Variants in EIF4G1 observed in about 807,000 individuals in gnomAD.
EIF4G1 encodes EIF4-gamma.
Under a neutral mutation model 187.8 loss-of-function variants are expected in EIF4G1, and 4 were observed. The ratio of observed to expected loss-of-function variants is 0.02; its 90% confidence interval spans 0.01 to 0.05. The LOEUF is 0.05. Ranked by LOEUF, EIF4G1 falls within the 10% of genes least tolerant of loss-of-function variation. The probability of loss-of-function intolerance (pLI) is 1.00; values close to 1 mark genes in which losing one functional copy is unlikely to be tolerated. For synonymous variants in EIF4G1, 844 were observed against 781.4 expected (o/e 1.08, Z -1.34); for missense variants, 1,647 against 2,081.1 (o/e 0.79, Z 4.06).
chr3:184,319,420 A>C (rs1007448580), intron 6 of EIF4G1, among the ~76,000 whole-genome samples: 4 of 142,700 alleles, frequency 2.8e-5, no homozygotes, highest in Non-Finnish European at 4.6e-5. Context: ...GTGCCTGCCT[A>C]CGAGGGGTGT....
chr3:184,326,674 C>G (rs201086570), intron 22 of EIF4G1, 45 bp downstream of exon 22: 1 of 1,598,890 alleles, frequency 6.3e-7, no homozygotes, highest in South Asian at 1.1e-5. Flanking sequence ...CGTCAGAGCT[C>G]CCTTGAGGAC....
intron 9 of EIF4G1, 21 bp from the exon 10 acceptor site, chr3:184,321,261 T>G (rs1390613053): frequency 6.2e-7 from 1 of 1,614,054 alleles, no homozygotes; most frequent in Non-Finnish European, 8.5e-7. Flanking sequence ...TAGTTGCTCA[T>G]TCTTCCTTCC....
At chr3:184,326,505 C>T (rs767196780) in intron 21 of EIF4G1, 22 bp from the exon 22 acceptor site, 3 of 1,613,618 alleles carry the variant, frequency 1.9e-6, no homozygotes, top group Non-Finnish European at 2.5e-6. Flanking sequence ...ACCTATGATT[C>T]TACTCCCCTT....
rs200224718 is a variant in EIF4G1, at chr3:184,319,679, C to T, written c.425-10C>T. On this transcript the variant is annotated splice_polypyrimidine_tract_variant and intron_variant, in intron 6 of 32. Coordinates refer to ENST00000346169, the MANE Select transcript of EIF4G1 (RefSeq NM_198241.3). Reference sequence around the variant, plus strand: ...CTACCACCATTCTTCTCCGTCCCCCCTCCCCCAAGCTGGCGCCTACTATCC... The same window carrying T: ...CTACCACCATTCTTCTCCGTCCCCCTTCCCCCAAGCTGGCGCCTACTATCC... 6.5e-7 allele frequency: 1 copy of T among 1,545,546 alleles called. No homozygotes were observed. The highest frequency in any genetic ancestry group is 1.4e-5 in the African/African-American group (1 of 73,882).
At chr3:184,318,522 C>G (rs1051196237) in intron 6 of EIF4G1, among the ~76,000 whole-genome samples, 1 of 152,168 alleles carries the variant, frequency 6.6e-6, no homozygotes, top group Non-Finnish European at 1.5e-5. Context: ...GAGGCCAAGA[C>G]AGGCGGATCA....
Position 184,323,731 on chromosome 3 carries a change from C to T in EIF4G1, c.2275-49C>T. 1 of 1,612,046 alleles carries T rather than the reference C, an allele frequency of 6.2e-7. No homozygotes were observed. The highest frequency in any genetic ancestry group is 2.2e-5 in the East Asian group (1 of 44,870). On this transcript the variant is annotated intron_variant, in intron 15 of 32. Transcript: ENST00000346169. This position sits in a 1 kb window ranked among gnomAD's most constrained non-coding sequence, Gnocchi z 6.9. ...CACCACCCTCTCCTGTCCCTCCCAA[C>T]AGCCTGTTCTGAGACCCTCACTGGA...
intron 22 of EIF4G1, 23 bp downstream of exon 22, chr3:184,326,652 T>C (rs1724971200): frequency 4.4e-6 from 7 of 1,606,108 alleles, no homozygotes; most frequent in Non-Finnish European, 5.9e-6. Context: ...TGTCAGGAGC[T>C]GGGTGGTTAC....
At chr3:184,328,514 C>T in intron 26 of EIF4G1, 117 bp from the exon 27 acceptor site, 1 of 1,424,440 alleles carries the variant, frequency 7.0e-7, no homozygotes. Flanking sequence ...TAATTGTCCC[C>T]ATGTCTAGAA....
intron 4 of EIF4G1, among the ~76,000 whole-genome samples, chr3:184,316,544 T>C (rs1045282204): frequency 6.6e-6 from 1 of 151,926 alleles, no homozygotes; most frequent in African/African-American, 2.4e-5. Context: ...CTGCTTTCTC[T>C]TTGGACTGTG....
In EIF4G1 at chr3:184,321,745, C is replaced by G; in HGVS notation, c.1161C>G (p.Pro387=). The G allele has an allele frequency of 6.2e-7, 1 of 1,600,790 alleles. No homozygotes were observed. The highest frequency in any genetic ancestry group is 8.5e-7 in the Non-Finnish European group (1 of 1,170,988). ...AGCTTGCTCCTCCCCCAGCTTGCCC[C>G]TCCGAATCCCCTGTGCCCATTGCTC... ...SPELAPPPAC[P]SESPVPIAPT... Residue 387 remains proline (P), a synonymous_variant, in exon 10 of 33, where the codon CCC becomes CCG. Transcript: ENST00000346169.
chr3:184,329,908 CTG>C (rs1380149002), intron 28 of EIF4G1, among the ~76,000 whole-genome samples: 1 of 152,174 alleles, frequency 6.6e-6, no homozygotes, highest in Non-Finnish European at 1.5e-5. Flanking sequence ...GTTCAGCCAT[CTG>C]GAACCTGGAG....
Position 184,315,785 on chromosome 3 carries a change from G to A in EIF4G1, c.-12G>A, listed in dbSNP as rs974141011. 6.4e-7 allele frequency: 1 copy of A among 1,551,634 alleles called. No individual in the cohort carries two copies. The highest frequency in any genetic ancestry group is 1.2e-5 in the South Asian group (1 of 84,058). The stretch of plus-strand genomic sequence containing the variant: ...CAGGTGCTGGGGGGACCCTGATGTG[G>A]CACCAAATGAAATGAACAAAGCTCC... On this transcript the variant is annotated 5_prime_UTR_variant, in exon 3 of 33. An upstream open reading frame in the 5' UTR gains an earlier in-frame stop. Coordinates refer to ENST00000346169, the MANE Select transcript of EIF4G1 (RefSeq NM_198241.3).
At chr3:184,328,825 T>C (rs1577244166) in intron 27 of EIF4G1, 69 bp downstream of exon 27, 1 of 1,613,868 alleles carries the variant, frequency 6.2e-7, no homozygotes, top group Non-Finnish European at 8.5e-7. Context: ...AATGGCTGGG[T>C]TGGATACCCT....
chr3:184,321,249 T>G, intron 9 of EIF4G1, 33 bp from the exon 10 acceptor site: 1 of 1,613,778 alleles, frequency 6.2e-7, no homozygotes, highest in Non-Finnish European at 8.5e-7. Context: ...AGCACTTGCC[T>G]TTAGTTGCTC....
intron 4 of EIF4G1, 113 bp downstream of exon 4, chr3:184,316,331 G>A: frequency 7.3e-7 from 1 of 1,371,638 alleles, no homozygotes; most frequent in Non-Finnish European, 1.0e-6. Context: ...TTAATCCTCT[G>A]TGTTCTTTCA....
In EIF4G1 at chr3:184,326,069, G is replaced by C. The variant is rs1253366593; in HGVS notation, c.3222+118G>C. The C allele has an allele frequency of 2.6e-5, 29 of 1,125,444 alleles. No homozygotes were observed. The Admixed American group carries it at 5.3e-4, about 21-fold the overall frequency. The allele number at this position is 1,125,444 out of a possible 1,614,324, so 69.7% of individuals were successfully genotyped here. ...TCCTCTTAGACTAACTGGTTGGATTGCTGGAGACAGGACTGCCAGCTGTAG... is the reference window on the plus strand; with the variant it reads ...TCCTCTTAGACTAACTGGTTGGATTCCTGGAGACAGGACTGCCAGCTGTAG... On this transcript the variant is annotated intron_variant, in intron 21 of 32. Coordinates refer to ENST00000346169, the MANE Select transcript of EIF4G1 (RefSeq NM_198241.3).
At position 184,323,773 on chromosome 3, in the gene EIF4G1, C is replaced by T. The variant is rs1163566681; in HGVS notation, c.2275-7C>T. The stretch of plus-strand genomic sequence containing the variant: ...CTCACTGGAACTCTTGTCTCTTCTC[C>T]CTCCAGGACCTATTCCGCAGGGTGC... On this transcript the variant is annotated splice_region_variant and splice_polypyrimidine_tract_variant and intron_variant, in intron 15 of 32. Coordinates refer to ENST00000346169, the MANE Select transcript of EIF4G1 (RefSeq NM_198241.3). This position sits in a 1 kb window ranked among gnomAD's most constrained non-coding sequence, Gnocchi z 6.9. The T allele has an allele frequency of 6.2e-7, 1 of 1,613,520 alleles. No individual in the cohort carries two copies.
chr3:184,321,564 T>A lies in EIF4G1; in HGVS notation c.980T>A (p.Val327Glu). 2 of 1,614,194 alleles carry A rather than the reference T, an allele frequency of 1.2e-6. No individual in the cohort carries two copies. The highest frequency in any genetic ancestry group is 1.7e-6 in the Non-Finnish European group (2 of 1,180,024). Reference sequence around the variant, plus strand: ...CCTCTCGCCGAACCCATACTGGAAGTAGAAGTGACACTTAGCAAACCGGTT... The same window carrying A: ...CCTCTCGCCGAACCCATACTGGAAGAAGAAGTGACACTTAGCAAACCGGTT... ...PTPLAEPILE[V>E]EVTLSKPVPE... is the part of the protein sequence containing the mutation. Residue 327 changes from valine (V) to glutamate (E), a missense_variant, in exon 10 of 33, where the codon GTA becomes GAA. Val to Glu is a moderately radical substitution (Grantham distance 121). This residue lies in a region of EIF4G1 where 522 missense variants were observed against 485.2 expected (regional missense o/e 1.08). Coordinates refer to ENST00000346169, the MANE Select transcript of EIF4G1 (RefSeq NM_198241.3).
intron 28 of EIF4G1, among the ~76,000 whole-genome samples, 197 bp from the exon 29 acceptor site, chr3:184,331,069 A>G (rs901741902): frequency 2.0e-5 from 3 of 152,172 alleles, no homozygotes; most frequent in East Asian, 1.9e-4. Context: ...TTGGGTGGTT[A>G]TTTGACTGAC....
Sources: allele counts gnomAD v4.1 joint callset (sites outside exome capture counted in the v4.1 genomes callset), GRCh38; gene constraint gnomAD v4.1.1; regional missense constraint gnomAD v4.1.1; non-coding constraint Gnocchi (gnomAD v3.1); transcripts MANE v1.5; gene names NCBI Gene and HGNC (gene_info 2026-07-23, HGNC 2026-07-21).